ANKRD11: variants seen among roughly 807,000 people sequenced by gnomAD.
ANKRD11 encodes ankyrin repeat domain-containing protein 11.
Under a neutral mutation model 195.7 loss-of-function variants are expected in ANKRD11, and 17 were observed. The ratio of observed to expected loss-of-function variants is 0.09; its 90% CI spans 0.06 to 0.13. The LOEUF is 0.13. Among genes scored for constraint, ANKRD11 ranks in the 10% least tolerant of loss-of-function variants. The pLI, the probability that ANKRD11 is intolerant of heterozygous loss-of-function variation, is 1.00. For missense variants in ANKRD11, 3,735 were observed against 3,566.1 expected, an observed-to-expected ratio of 1.05 and a Z score of -1.21; for synonymous variants, 1,953 against 1,528.1, an observed-to-expected ratio of 1.28 and a Z score of -6.49.
intron 3 of ANKRD11, chr16:89,313,656 C>G (rs1320056393): frequency 1.6e-6 from 2 of 1,249,648 alleles, no homozygotes; most frequent in Non-Finnish European, 2.1e-6. Flanking sequence ...TGGTAGAAGA[C>G]TGAGCAGAAA....
intron 4 of ANKRD11, among the ~76,000 whole-genome samples, chr16:89,295,205 G>C (rs3114916): frequency 0.59 from 90,464 of 152,074 alleles, 27,984 homozygotes; most frequent in Middle Eastern, 0.71. Flanking sequence ...CCTGCAGTCG[G>C]AACACGGCCT....
chr16:89,475,602 A>C (rs2057230385), intron 1 of ANKRD11, among the ~76,000 whole-genome samples: 1 of 152,232 alleles, frequency 6.6e-6, no homozygotes. Flanking sequence ...TAAAATTTTA[A>C]GATAATCTTT....
At chr16:89,427,227 C>T (rs2042752565) in intron 1 of ANKRD11, among the ~76,000 whole-genome samples, 1 of 152,106 alleles carries the variant, frequency 6.6e-6, no homozygotes, top group Admixed American at 6.5e-5. Context: ...AAACTTGCAC[C>T]CTGTAACCAC....
At chr16:89,444,574 ACT>A (rs976077210) in intron 1 of ANKRD11, among the ~76,000 whole-genome samples, 10 of 152,038 alleles carry the variant, frequency 6.6e-5, no homozygotes, top group African/African-American at 1.9e-4. Flanking sequence ...AACTTTGCCC[ACT>A]GTTTCTTCTC....
intron 1 of ANKRD11, among the ~76,000 whole-genome samples, chr16:89,458,588 C>A (rs2056536681): frequency 6.6e-6 from 1 of 152,232 alleles, no homozygotes; most frequent in African/African-American, 2.4e-5. Context: ...CGCTTTCACT[C>A]ATGATTTTGC....
Position 89,281,989 on chromosome 16 carries a change from G to C in ANKRD11, c.4553C>G (p.Ser1518Cys), listed in dbSNP as rs1298767812. Reference protein sequence around the residue: ...DSPPRVLKDKSRDEGPRLGDA... With the variant: ...DSPPRVLKDKCRDEGPRLGDA... ...GCCGAGCCTCGGGCCCTCGTCCCTG[G>C]ACTTGTCTTTGAGCACGCGGGGCGG... The change falls in exon 9 of 13, where the codon TCC becomes TGC. Residue 1518 changes from serine to cysteine, a missense_variant. Transcript: ENST00000301030. This position sits in a 1 kb window ranked among gnomAD's most constrained non-coding sequence, Gnocchi z 5.5. The C allele has an allele frequency of 1.2e-5, 19 of 1,613,092 alleles. No individual in the cohort carries two copies. The highest frequency in any genetic ancestry group is 1.5e-5 in the Non-Finnish European group (18 of 1,180,024).
rs1032352864 is a variant in ANKRD11 at position 89,288,328 on chromosome 16, T to A, written c.744+200A>T. On this transcript the variant is annotated intron_variant, in intron 7 of 12. Coordinates refer to ENST00000301030, the MANE Select transcript of ANKRD11 (RefSeq NM_013275.6). Reference sequence around the variant, plus strand: ...TAGATGGCACTTGCTGGGAAACCTGTGAGAGGCCGTCCAGGCTGACCCAGA... The same window carrying A: ...TAGATGGCACTTGCTGGGAAACCTGAGAGAGGCCGTCCAGGCTGACCCAGA... 1.1e-5 allele frequency: 9 copies of A among 820,798 alleles called. No individual in the cohort carries two copies. The African/African-American group carries it at 1.3e-4, about 12-fold the overall frequency. 50.8% of individuals were successfully genotyped at this position (820,798 alleles called of 1,614,324 possible). A position where few individuals can be genotyped will look rare whatever the true frequency, so the allele number is the denominator to read the frequency against.
chr16:89,271,141 G>A, intron 11 of ANKRD11: 1 of 581,552 alleles, frequency 1.7e-6, no homozygotes, highest in South Asian at 1.8e-5. Flanking sequence ...TTGTCTCCTG[G>A]GCACCGGGTG....
In ANKRD11 at chr16:89,280,031, G is replaced by A. The variant is rs1567556635; in HGVS notation, c.6511C>T (p.Pro2171Ser). The A allele has an allele frequency of 4.3e-6, 7 of 1,612,800 alleles. No homozygotes were observed. Among genetic ancestry groups the A allele is most frequent in the Non-Finnish European group, 5.1e-6 (6 of 1,179,944 alleles). The change falls in exon 9 of 13, where the codon CCC becomes TCC. Residue 2171 changes from proline (P) to serine (S), a missense_variant. Pro to Ser is a moderately conservative substitution (Grantham distance 74). Transcript: ENST00000301030. Reference sequence around the variant, plus strand: ...ACATCCCCACCGTTTATGACCCCGGGGGCCCCTGGAGGCATCTCTTCTGGA... The same window carrying A: ...ACATCCCCACCGTTTATGACCCCGGAGGCCCCTGGAGGCATCTCTTCTGGA... Reference protein sequence around the residue: ...APPEEMPPGAPGVINGGDVST... With the variant: ...APPEEMPPGASGVINGGDVST...
intron 2 of ANKRD11, among the ~76,000 whole-genome samples, chr16:89,391,957 G>A (rs565108471): frequency 2.0e-5 from 3 of 152,152 alleles, no homozygotes; most frequent in African/African-American, 4.8e-5. Context: ...ATTAGGTCAC[G>A]GCCTGTTCCT....
chr16:89,359,337 T>A (rs997391265), intron 2 of ANKRD11, among the ~76,000 whole-genome samples: 2 of 152,090 alleles, frequency 1.3e-5, no homozygotes, highest in Non-Finnish European at 2.9e-5. Flanking sequence ...TACAACTCAA[T>A]CGCACGTACA....
Position 89,285,079 on chromosome 16 carries a change from C to T in ANKRD11, c.1463G>A (p.Ser488Asn). Residue 488 changes from serine to asparagine, a missense_variant, in exon 9 of 13, where the codon AGT (serine) becomes AAT (asparagine). By Grantham distance (46) the Ser-to-Asn change is conservative (BLOSUM62 1). Coordinates refer to ENST00000301030, the MANE Select transcript of ANKRD11 (RefSeq NM_013275.6). This position sits in a 1 kb window ranked among gnomAD's most constrained non-coding sequence, Gnocchi z 5.6. The stretch of plus-strand genomic sequence containing the variant: ...CAGAGAGTCCCTGTCATCCTCCCCA[C>T]TCTCTGAGGACTCGCTCTCCGACTC... ...SSESESESSESGEDDRDSLGS... is the reference protein window; with the variant it reads ...SSESESESSENGEDDRDSLGS... 1.2e-6 allele frequency: 2 copies of T among 1,613,882 alleles called. No individual in the cohort carries two copies. Among genetic ancestry groups the T allele is most frequent in the Non-Finnish European group, 1.7e-6 (2 of 1,180,044 alleles).
chr16:89,359,918 G>C (rs763347223), intron 2 of ANKRD11, among the ~76,000 whole-genome samples: 1 of 152,000 alleles, frequency 6.6e-6, no homozygotes, highest in Non-Finnish European at 1.5e-5. Flanking sequence ...TTTTAGGTTC[G>C]GGGGCACATG....
At chr16:89,387,867 T>TGGTGGTG (rs2040991998) in intron 2 of ANKRD11, among the ~76,000 whole-genome samples, 1 of 149,988 alleles carries the variant, frequency 6.7e-6, no homozygotes, top group Non-Finnish European at 1.5e-5. Flanking sequence ...TAGCCAGGCG[T>TGGTGGTG]GGTGGTGGGT....
chr16:89,348,982 G>C (rs1055152331), intron 2 of ANKRD11, among the ~76,000 whole-genome samples: 4 of 150,534 alleles, frequency 2.7e-5, no homozygotes, highest in African/African-American at 9.8e-5. Flanking sequence ...ACAAAAACTA[G>C]CCAGGAGTAG....
intron 2 of ANKRD11, among the ~76,000 whole-genome samples, chr16:89,391,206 C>T (rs1233320688): frequency 2.2e-5 from 3 of 137,168 alleles, no homozygotes; most frequent in Admixed American, 1.6e-4. Context: ...CCAGCCTGGG[C>T]GACAGAGCGA....
In ANKRD11 at chr16:89,288,272, A is replaced by T. The variant is rs982222322; in HGVS notation, c.744+256T>A. The stretch of plus-strand genomic sequence containing the variant: ...CCTTCACCTGCTCAAATCCAACCAG[A>T]CCTACACGGCTAGCGGATACGAGCC... On this transcript the variant is annotated intron_variant, in intron 7 of 12. Transcript: ENST00000301030. 3.7e-5 allele frequency: 24 copies of T among 655,118 alleles called. No individual in the cohort carries two copies. The East Asian group carries it at 6.2e-4, about 17-fold the overall frequency. The allele number at this position is 655,118 out of a possible 1,614,324, so 40.6% of individuals were successfully genotyped here. A position where few individuals can be genotyped will look rare whatever the true frequency, so the allele number is the denominator to read the frequency against.
intron 2 of ANKRD11, among the ~76,000 whole-genome samples, chr16:89,411,118 C>CA (rs144029249): frequency 0.023 from 3,517 of 152,362 alleles, 122 homozygotes; most frequent in African/African-American, 0.08. Flanking sequence ...GAAGGGTGGC[C>CA]AGGGCAGAAG....
chr16:89,477,219 G>C (rs961159799), intron 1 of ANKRD11, among the ~76,000 whole-genome samples: 2 of 149,082 alleles, frequency 1.3e-5, no homozygotes, highest in Non-Finnish European at 3.0e-5. Flanking sequence ...TGGAGACAGA[G>C]TCTCACTCTG....
Sources: allele counts gnomAD v4.1 joint callset (sites outside exome capture counted in the v4.1 genomes callset), GRCh38; gene constraint gnomAD v4.1.1; non-coding constraint Gnocchi (gnomAD v3.1); transcripts MANE v1.5; gene names NCBI Gene and HGNC (gene_info 2026-07-23, HGNC 2026-07-21).